The following SYTL5 variants were observed in gnomAD, a reference collection of about 807,000 sequenced individuals.
SYTL5 encodes synaptotagmin-like protein 5.
SYTL5 carries 34 observed loss-of-function variants against 55.9 expected under a neutral mutation model. The ratio of observed to expected loss-of-function variants is 0.61; its 90% CI spans 0.46 to 0.81. The LOEUF (loss-of-function observed/expected upper bound fraction) is 0.81. Among genes scored for constraint, SYTL5 ranks in the 30% least tolerant of loss-of-function variants. The probability of loss-of-function intolerance (pLI) is 0.00; values close to 1 mark genes in which losing one functional copy is unlikely to be tolerated. For missense variants in SYTL5, 637 were observed against 546.7 expected, an observed-to-expected ratio of 1.17 and a Z score of -1.65; for synonymous variants, 221 against 188.7, an observed-to-expected ratio of 1.17 and a Z score of -1.40.
the SYTL5 span, among the ~76,000 whole-genome samples, chrX:37,966,277 T>A: frequency 9.0e-6 from 1 of 110,738 alleles, no homozygotes; most frequent in Middle Eastern, 4.2e-3. Flanking sequence ...TTTTTGTTTA[T>A]CTTCTATAGT....
the SYTL5 span, among the ~76,000 whole-genome samples, chrX:37,973,520 T>C: frequency 8.9e-6 from 1 of 112,034 alleles, no homozygotes; most frequent in Non-Finnish European, 1.9e-5. Context: ...AGAACTCTGA[T>C]GATTTAACTC....
the SYTL5 span, among the ~76,000 whole-genome samples, chrX:37,900,177 G>A: frequency 9.0e-6 from 1 of 111,583 alleles, no homozygotes; most frequent in African/African-American, 3.3e-5. Context: ...TTTATTTACT[G>A]TCCCATTCAT....
At chrX:37,891,484 TGA>T in the SYTL5 span, among the ~76,000 whole-genome samples, 9 of 111,307 alleles carry the variant, frequency 8.1e-5, no homozygotes, top group African/African-American at 2.9e-4. Flanking sequence ...ATTGGAAAAA[TGA>T]GAGGTAACTG....
the SYTL5 span, among the ~76,000 whole-genome samples, chrX:37,983,806 G>C: frequency 1.8e-5 from 2 of 111,766 alleles, no homozygotes; most frequent in Non-Finnish European, 3.8e-5. Flanking sequence ...TTCCACAATG[G>C]AGTGAAACTA....
At chrX:38,125,911 C>A (rs1480943607) in intron 16 of SYTL5, among the ~76,000 whole-genome samples, 1 of 111,519 alleles carries the variant, frequency 9.0e-6, no homozygotes, top group Non-Finnish European at 1.9e-5. Context: ...CAGTTCTGTC[C>A]AGCACTTGCA....
At chrX:38,113,899 T>C (rs1937420858) in intron 13 of SYTL5, among the ~76,000 whole-genome samples, 1 of 110,993 alleles carries the variant, frequency 9.0e-6, no homozygotes, top group African/African-American at 3.3e-5. Flanking sequence ...TTAAGGAACG[T>C]CAATACTCCC....
In SYTL5 at chrX:38,082,533, G is replaced by A. The variant is rs192073340; in HGVS notation, c.689+5832G>A. ...CAGATGGTAAATGTGGAAGTTCTTA[G>A]ACAGTAATACTGTTCCACCCTTTTA... On this transcript the variant is annotated intron_variant, in intron 6 of 16. Transcript: ENST00000297875. Among the ~76,000 whole-genome samples, 578 of 112,534 alleles carry A rather than the reference G, an allele frequency of 5.1e-3. 3 individuals are homozygous for A. Among genetic ancestry groups the A allele is most frequent in the Middle Eastern group, 0.019 (4 of 214 alleles).
the SYTL5 span, among the ~76,000 whole-genome samples, chrX:37,965,405 T>C: frequency 8.9e-6 from 1 of 112,201 alleles, no homozygotes; most frequent in African/African-American, 3.2e-5. Context: ...CTTCCACACA[T>C]TTATAAATTT....
chrX:37,914,470 T>C, the SYTL5 span, among the ~76,000 whole-genome samples: 1 of 111,604 alleles, frequency 9.0e-6, no homozygotes, highest in African/African-American at 3.3e-5. Flanking sequence ...CAGTTGGGTA[T>C]CATTTTTATA....
intron 13 of SYTL5, among the ~76,000 whole-genome samples, chrX:38,114,400 G>A (rs1335377001): frequency 9.0e-6 from 1 of 111,723 alleles, no homozygotes; most frequent in Non-Finnish European, 1.9e-5. Context: ...TGGAATAACT[G>A]TCACCATTTA....
chrX:37,943,735 T>C, the SYTL5 span, among the ~76,000 whole-genome samples: 1 of 111,583 alleles, frequency 9.0e-6, no homozygotes, highest in East Asian at 2.8e-4. Context: ...AGAAGTCAGA[T>C]TCCTCGTTTT....
intron 8 of SYTL5, 31 bp from the exon 9 acceptor site, chrX:38,096,103 C>G: frequency 1.2e-6 from 1 of 859,062 alleles, no homozygotes; most frequent in Admixed American, 2.8e-5. Flanking sequence ...CAGGCTGACT[C>G]ACGTCTTTCT....
chrX:37,948,529 A>G, the SYTL5 span, among the ~76,000 whole-genome samples: 3 of 110,078 alleles, frequency 2.7e-5, no homozygotes, highest in African/African-American at 6.6e-5. Flanking sequence ...ATTTACATAT[A>G]TTTTTATATA....
rs149096056 is a variant in SYTL5, at chrX:38,126,641, C to T, written c.2104C>T (p.Arg702Cys). The change falls in exon 17 of 17, where the codon CGC becomes TGC. Residue 702 changes from arginine to cysteine, a missense_variant. Transcript: ENST00000297875. The stretch of plus-strand genomic sequence containing the variant: ...GATGGACTCTCAGGGGGAAGAGCAG[C>T]GCCTTTGGCAGAAGATGGCCAACAA... ...DWMDSQGEEQ[R>C]LWQKMANNPG... is the part of the protein sequence containing the mutation. 4.6e-5 allele frequency: 55 copies of T among 1,208,424 alleles called. No homozygotes were observed. The highest frequency in any genetic ancestry group is 5.1e-5 in the Non-Finnish European group (46 of 894,300).
chrX:38,110,250 A>G, intron 12 of SYTL5, 71 bp from the exon 13 acceptor site: 1 of 832,673 alleles, frequency 1.2e-6, no homozygotes, highest in Non-Finnish European at 1.6e-6. Flanking sequence ...TGTTGGAAGT[A>G]AATTTCGACC....
chrX:37,963,094 A>G, the SYTL5 span, among the ~76,000 whole-genome samples: 1 of 111,461 alleles, frequency 9.0e-6, no homozygotes, highest in East Asian at 2.8e-4. Flanking sequence ...TTTTTGGTGT[A>G]TAAGTTTTTT....
chrX:38,112,183 A>G (rs1258135374), intron 13 of SYTL5, among the ~76,000 whole-genome samples: 1 of 111,525 alleles, frequency 9.0e-6, no homozygotes, highest in Non-Finnish European at 1.9e-5. Flanking sequence ...AACAGCCTCC[A>G]CCTGAGACTC....
At chrX:37,926,375 C>CT in the SYTL5 span, among the ~76,000 whole-genome samples, 184 of 104,001 alleles carry the variant, frequency 1.8e-3, no homozygotes, top group Middle Eastern at 5.0e-3. Context: ...TTATTATTTA[C>CT]TTTTTTTTTT....
At chrX:37,984,505 C>T in the SYTL5 span, among the ~76,000 whole-genome samples, 1 of 111,710 alleles carries the variant, frequency 9.0e-6, no homozygotes, top group African/African-American at 3.2e-5. Flanking sequence ...AAACTACCTA[C>T]CAAGAAAAGC....
Sources: gnomAD v4.1 joint callset for allele counts (sites outside exome capture counted in the v4.1 genomes callset) on GRCh38, gnomAD v4.1.1 for gene constraint, MANE v1.5 for transcripts, NCBI Gene and HGNC (gene_info 2026-07-23, HGNC 2026-07-21) for gene names.